The following HMGXB4 variants were observed in gnomAD, a reference collection of about 807,000 sequenced individuals.
The protein encoded by HMGXB4 is HMG domain-containing protein 4.
A neutral mutation model predicts 63.9 loss-of-function variants in HMGXB4; 27 were observed. That is an observed-to-expected ratio of 0.42 (90% CI 0.31 to 0.58). The LOEUF is 0.58. Ranked by LOEUF, HMGXB4 falls within the 20% of genes least tolerant of loss-of-function variation. The pLI is 0.13. For synonymous variants in HMGXB4, 264 were observed against 265.3 expected (o/e 0.99, Z 0.05); for missense variants, 624 against 700.7 (o/e 0.89, Z 1.24).
chr22:35,264,099 A>G, intron 4 of HMGXB4: 1 of 1,512,668 alleles, frequency 6.6e-7, no homozygotes, highest in Non-Finnish European at 8.9e-7. Flanking sequence ...TACACCAGGT[A>G]CCAGGTTCCT....
intron 2 of HMGXB4, 25 bp downstream of exon 2, chr22:35,262,446 A>C: frequency 6.2e-7 from 1 of 1,609,160 alleles, no homozygotes. Context: ...TCTGAGAAGC[A>C]TTCCAAAGGG....
At chr22:35,292,272 T>A (rs1323778354) in intron 9 of HMGXB4, among the ~76,000 whole-genome samples, 1 of 152,186 alleles carries the variant, frequency 6.6e-6, no homozygotes, top group Non-Finnish European at 1.5e-5. Context: ...CACAGCATAG[T>A]AAGCAACTTG....
Position 35,293,707 on chromosome 22 carries a change from A to C in HMGXB4, c.*56A>C. 1 of 1,379,006 alleles carries C rather than the reference A, an allele frequency of 7.3e-7. No individual in the cohort carries two copies. The highest frequency in any genetic ancestry group is 1.0e-6 in the Non-Finnish European group (1 of 969,354). The allele number at this position is 1,379,006 out of a possible 1,614,324, so 85.4% of individuals were successfully genotyped here. ...CCTACACCATTGCTGGTTTGTGTAT[A>C]TATGACTGTTGCAGATTCCTTCAGT... On this transcript the variant is annotated 3_prime_UTR_variant, in exon 11 of 11. Coordinates refer to ENST00000216106, the MANE Select transcript of HMGXB4 (RefSeq NM_001003681.3).
chr22:35,272,015 G>C (rs917068920), intron 5 of HMGXB4, among the ~76,000 whole-genome samples: 2 of 152,220 alleles, frequency 1.3e-5, no homozygotes, highest in African/African-American at 4.8e-5. Context: ...GGCAATGGAA[G>C]TTCAAGACCC....
chr22:35,290,715 T>C lies in HMGXB4; in HGVS notation c.1639-2277T>C, dbSNP rs571456132. 3.9e-5 allele frequency among the ~76,000 whole-genome samples: 6 copies of C among 151,982 alleles called. No homozygotes were observed. The South Asian group carries it at 1.2e-3, about 32-fold the overall frequency. On this transcript the variant is annotated intron_variant, in intron 9 of 10. Transcript: ENST00000216106. ...CCCTCTAATCCACTTTTGGCCCGAA[T>C]TTAATCATTTGCATAGATCTCTGCA...
At chr22:35,255,657 G>C (rs899796291), upstream of HMGXB4, among the ~76,000 whole-genome samples, 2 of 152,250 alleles carry the variant, frequency 1.3e-5, no homozygotes, top group Non-Finnish European at 2.9e-5. Context: ...GGACCAGCTT[G>C]AGTTACCTCC....
upstream of HMGXB4, among the ~76,000 whole-genome samples, chr22:35,252,690 G>A (rs1922238358): frequency 6.6e-6 from 1 of 152,212 alleles, no homozygotes. Context: ...AAGTGGTGGA[G>A]TGTGGGGGAC....
At chr22:35,270,122 C>T (rs903296199) in intron 5 of HMGXB4, among the ~76,000 whole-genome samples, 1 of 152,192 alleles carries the variant, frequency 6.6e-6, no homozygotes, top group African/African-American at 2.4e-5. Context: ...TAGCCGTCCG[C>T]GGCCTGTGGG....
chr22:35,245,540 GTATC>G, the HMGXB4 span, among the ~76,000 whole-genome samples: 1 of 151,902 alleles, frequency 6.6e-6, no homozygotes, highest in Non-Finnish European at 1.5e-5. Flanking sequence ...CTTGCTGTTG[GTATC>G]TATCAATTGT....
At chr22:35,278,829 T>C (rs923389408) in intron 5 of HMGXB4, among the ~76,000 whole-genome samples, 1 of 149,564 alleles carries the variant, frequency 6.7e-6, no homozygotes, top group African/African-American at 2.5e-5. Flanking sequence ...TTTAATTTTT[T>C]GTAAAGTTGG....
At position 35,291,291 on chromosome 22, in the gene HMGXB4, CGTGT is replaced by C. The variant is rs111519482; in HGVS notation, c.1639-1695_1639-1692del. 9.3e-3 allele frequency among the ~76,000 whole-genome samples: 1,408 copies of C among 151,858 alleles called. 16 individuals carry two copies. The highest frequency in any genetic ancestry group is 0.033 in the African/African-American group (1,356 of 41,432). ...AAAAAAAATAAAAATAAAAATTGTGCGTGTGTGTGGCGTGTGGTGTGTGTGTATC... is the reference window on the plus strand; with the variant it reads ...AAAAAAAATAAAAATAAAAATTGTGCGTGTGGCGTGTGGTGTGTGTGTATC... On this transcript the variant is annotated intron_variant, in intron 9 of 10. Coordinates refer to ENST00000216106, the MANE Select transcript of HMGXB4 (RefSeq NM_001003681.3).
At chr22:35,263,300 GT>G (rs878951590) in intron 3 of HMGXB4, 74 bp downstream of exon 3, 37,337 of 846,304 alleles carry the variant, frequency 0.044, 71 homozygotes, top group African/African-American at 0.078. Flanking sequence ...GTTTTTTTTT[GT>G]TTTTTTTTTT....
At chr22:35,278,223 A>C (rs1015014186) in intron 5 of HMGXB4, among the ~76,000 whole-genome samples, 9 of 152,264 alleles carry the variant, frequency 5.9e-5, no homozygotes, top group Admixed American at 5.2e-4. Context: ...TCCATTGTCT[A>C]GATATACTAC....
chr22:35,253,509 T>C (rs1922274005), upstream of HMGXB4, among the ~76,000 whole-genome samples: 1 of 152,228 alleles, frequency 6.6e-6, no homozygotes, highest in Non-Finnish European at 1.5e-5. Flanking sequence ...TAATGTCCTA[T>C]TGCAACTTTG....
chr22:35,263,706 C>G, intron 3 of HMGXB4, 90 bp from the exon 4 acceptor site: 1 of 876,384 alleles, frequency 1.1e-6, no homozygotes, highest in Non-Finnish European at 1.9e-6. Flanking sequence ...TGCTTTGTTT[C>G]CCAAAATCAA....
intron 5 of HMGXB4, among the ~76,000 whole-genome samples, chr22:35,275,867 A>C (rs150287036): frequency 9.2e-5 from 14 of 152,250 alleles, no homozygotes; most frequent in Admixed American, 3.9e-4. Flanking sequence ...TGTTGCAAGT[A>C]ATTTGCTACT....
At chr22:35,288,498 G>C in intron 9 of HMGXB4, 91 bp downstream of exon 9, 1 of 985,632 alleles carries the variant, frequency 1.0e-6, no homozygotes, top group Non-Finnish European at 1.4e-6. Context: ...TACATGTATT[G>C]AGCATCTACT....
intron 8 of HMGXB4, among the ~76,000 whole-genome samples, chr22:35,288,036 C>G (rs1924701516): frequency 6.6e-6 from 1 of 152,106 alleles, no homozygotes; most frequent in Admixed American, 6.5e-5. Flanking sequence ...CTTTGTTTTT[C>G]TATAGCCCTT....
rs1925073164 is a variant in HMGXB4 at position 35,293,792 on chromosome 22, T to C, written c.*141T>C. 2.2e-6 allele frequency: 1 copy of C among 458,326 alleles called. No homozygotes were observed. The highest frequency in any genetic ancestry group is 3.9e-6 in the Non-Finnish European group (1 of 257,770). 28.4% of individuals were successfully genotyped at this position (458,326 alleles called of 1,614,324 possible). On this transcript the variant is annotated 3_prime_UTR_variant, in exon 11 of 11. Transcript: ENST00000216106. Reference sequence around the variant, plus strand: ...ATACATACATATATACATATATATATAATGTACAATATATACATAGACTGT... The same window carrying C: ...ATACATACATATATACATATATATACAATGTACAATATATACATAGACTGT...
Sources: gnomAD v4.1 joint callset for allele counts (sites outside exome capture counted in the v4.1 genomes callset) on GRCh38, gnomAD v4.1.1 for gene constraint, MANE v1.5 for transcripts, NCBI Gene and HGNC (gene_info 2026-07-23, HGNC 2026-07-21) for gene names.